Variants in ACBD6 observed in about 807,000 individuals in gnomAD.
ACBD6 encodes acyl-CoA-binding domain-containing protein 6.
Under a neutral mutation model 37.2 loss-of-function variants are expected in ACBD6, and 28 were observed. The observed-to-expected ratio is 0.75, with a 90% CI of 0.56 to 1.03. The LOEUF (loss-of-function observed/expected upper bound fraction) is 1.03, where lower values mean the gene tolerates loss of function less well. Among genes scored for constraint, ACBD6 ranks in the 50% least tolerant of loss-of-function variants. The probability of loss-of-function intolerance (pLI) is 0.00; values close to 1 mark genes in which losing one functional copy is unlikely to be tolerated. For missense variants in ACBD6, 340 were observed against 337.4 expected (o/e 1.01, Z -0.06); for synonymous variants, 113 against 126.8 (o/e 0.89, Z 0.73).
chr1:180,354,156 G>C (rs75086248), intron 6 of ACBD6, among the ~76,000 whole-genome samples: 406 of 152,332 alleles, frequency 2.7e-3, no homozygotes, highest in African/African-American at 9.4e-3. Flanking sequence ...CCCAGTGGGG[G>C]AGGTAGGCCA....
chr1:180,293,556 C>T (rs945805883), intron 7 of ACBD6, among the ~76,000 whole-genome samples: 3 of 152,044 alleles, frequency 2.0e-5, no homozygotes, highest in African/African-American at 7.2e-5. Context: ...GATCTGGCTG[C>T]CTCACCTCTC....
intron 3 of ACBD6, among the ~76,000 whole-genome samples, chr1:180,431,214 C>G (rs556937546): frequency 6.6e-6 from 1 of 151,584 alleles, no homozygotes; most frequent in Non-Finnish European, 1.5e-5. Context: ...GGAAAAAGAC[C>G]CCCTTCCCCG....
intron 6 of ACBD6, among the ~76,000 whole-genome samples, chr1:180,326,184 A>G (rs1242811938): frequency 6.6e-6 from 1 of 152,180 alleles, no homozygotes; most frequent in Non-Finnish European, 1.5e-5. Context: ...AAAAAACCTT[A>G]GAAATCTACC....
At position 180,438,913 on chromosome 1, in the gene ACBD6, C is replaced by A. The variant is rs142755046; in HGVS notation, c.385-8651G>T. Among the ~76,000 whole-genome samples, 1,072 of 152,256 alleles carry A rather than the reference C, an allele frequency of 7.0e-3. 9 individuals are homozygous for A. Among genetic ancestry groups the A allele is most frequent in the African/African-American group, 0.024 (1,001 of 41,532 alleles). ...AAATCCCGTACTCTACCTATTCACC[C>A]TTCCCTCCCTCCCCACTCTCCTCCA... On this transcript the variant is annotated intron_variant, in intron 3 of 7. Coordinates refer to ENST00000367595, the MANE Select transcript of ACBD6 (RefSeq NM_032360.4).
At chr1:180,422,872 C>T (rs542618713) in intron 4 of ACBD6, among the ~76,000 whole-genome samples, 5 of 152,344 alleles carry the variant, frequency 3.3e-5, no homozygotes, top group African/African-American at 1.2e-4. Flanking sequence ...GAGCTCACCA[C>T]ACTAGCCATA....
intron 9 of ACBD6, among the ~76,000 whole-genome samples, chr1:180,280,553 T>C (rs747156845): frequency 1.3e-5 from 2 of 152,088 alleles, no homozygotes; most frequent in Non-Finnish European, 2.9e-5. Context: ...CCCAGTGGGA[T>C]TCTTGGAGGG....
chr1:180,356,850 C>CAAA (rs1294062706), intron 6 of ACBD6, among the ~76,000 whole-genome samples: 4 of 25,584 alleles, frequency 1.6e-4, no homozygotes, highest in Admixed American at 1.3e-3. Flanking sequence ...GACCTTGTCT[C>CAAA]AAAAGAAAAA....
intron 7 of ACBD6, among the ~76,000 whole-genome samples, chr1:180,304,658 A>G (rs995988129): frequency 1.3e-5 from 2 of 150,848 alleles, no homozygotes; most frequent in Admixed American, 6.6e-5. Context: ...AATCAATATC[A>G]TGAAAATGGC....
At chr1:180,477,978 T>TAAAAATAAAAAAAAAAA (rs762543187) in intron 3 of ACBD6, among the ~76,000 whole-genome samples, 1 of 145,082 alleles carries the variant, frequency 6.9e-6, no homozygotes, top group African/African-American at 2.6e-5. Flanking sequence ...TCCATCTCTT[T>TAAAAATAAAAAAAAAAA]AAAAAAAAAA....
intron 6 of ACBD6, among the ~76,000 whole-genome samples, chr1:180,377,959 A>AATAATT (rs897876792): frequency 4.7e-5 from 7 of 148,320 alleles, no homozygotes; most frequent in Non-Finnish European, 1.0e-4. Context: ...AAATAATAAT[A>AATAATT]ATAATAATAA....
Position 180,499,536 on chromosome 1 carries a change from T to C in ACBD6, c.222+2509A>G, listed in dbSNP as rs532964710. 3.3e-5 allele frequency among the ~76,000 whole-genome samples: 5 copies of C among 152,268 alleles called. No homozygotes were observed. The East Asian group carries it at 9.7e-4, about 29-fold the overall frequency. On this transcript the variant is annotated intron_variant, in intron 1 of 7. Transcript: ENST00000367595. ...AGGTGACTACAGTTCACTGATGACT[T>C]AGAAATATAGTATTTTAATAATGAC...
intron 6 of ACBD6, among the ~76,000 whole-genome samples, chr1:180,374,194 A>G (rs968110235): frequency 1.3e-5 from 2 of 152,336 alleles, no homozygotes; most frequent in Middle Eastern, 6.8e-3. Context: ...TGATTCCCAT[A>G]ATGAAAAATA....
Position 180,500,618 on chromosome 1 carries a change from G to A in ACBD6, c.222+1427C>T, listed in dbSNP as rs189950910. Among the ~76,000 whole-genome samples the A allele has an allele frequency of 2.2e-4, 34 of 151,220 alleles. 1 individual carries two copies. In the East Asian group the frequency reaches 6.2e-3, roughly 28 times the overall value. ...CTGGGACAGGACAATCGCTTGAACC[G>A]GGGAGGTAGAGGTTGCAGTGAGCTA... On this transcript the variant is annotated intron_variant, in intron 1 of 7. Coordinates refer to ENST00000367595, the MANE Select transcript of ACBD6 (RefSeq NM_032360.4).
intron 6 of ACBD6, among the ~76,000 whole-genome samples, chr1:180,336,856 C>T (rs1348380515): frequency 6.6e-6 from 1 of 152,090 alleles, no homozygotes; most frequent in Non-Finnish European, 1.5e-5. Context: ...TACAAACTAC[C>T]ATCAGAGAAT....
chr1:180,370,410 A>T (rs1385266389), intron 6 of ACBD6, among the ~76,000 whole-genome samples: 1 of 152,170 alleles, frequency 6.6e-6, no homozygotes, highest in Non-Finnish European at 1.5e-5. Context: ...CATTTTGCAT[A>T]TTTTATAATA....
chr1:180,359,218 C>T (rs1371503623), intron 6 of ACBD6, among the ~76,000 whole-genome samples: 1 of 152,126 alleles, frequency 6.6e-6, no homozygotes, highest in Non-Finnish European at 1.5e-5. Flanking sequence ...AAAGGAAGCA[C>T]AAAGCGACTG....
At chr1:180,390,627 A>G (rs549711244) in intron 6 of ACBD6, among the ~76,000 whole-genome samples, 23 of 152,162 alleles carry the variant, frequency 1.5e-4, no homozygotes, top group African/African-American at 5.5e-4. Flanking sequence ...GATTCTTCCT[A>G]CCCATGAGCA....
chr1:180,333,685 C>G (rs769588705), intron 6 of ACBD6, among the ~76,000 whole-genome samples: 1 of 152,152 alleles, frequency 6.6e-6, no homozygotes, highest in Non-Finnish European at 1.5e-5. Flanking sequence ...GTGAGTGCAG[C>G]GCACTGAGCG....
intron 9 of ACBD6, chr1:180,278,902 C>A (rs1322613356): frequency 6.6e-6 from 1 of 151,890 alleles, no homozygotes; most frequent in Non-Finnish European, 1.5e-5. Flanking sequence ...GAAGCTGGTG[C>A]GTTTGTTTGT....
Sources: gnomAD v4.1 joint callset for allele counts (sites outside exome capture counted in the v4.1 genomes callset) on GRCh38, gnomAD v4.1.1 for gene constraint, MANE v1.5 for transcripts, NCBI Gene and HGNC (gene_info 2026-07-23, HGNC 2026-07-21) for gene names.